EPHA3: variants seen among roughly 807,000 people sequenced by gnomAD.
EPHA3 encodes the protein EPH receptor A3.
In EPHA3, 42 loss-of-function variants were observed where a neutral mutation model predicts 107.1. The ratio of observed to expected loss-of-function variants is 0.39; its 90% CI spans 0.31 to 0.51. EPHA3 has a LOEUF of 0.51. Among genes scored for constraint, EPHA3 ranks in the 20% least tolerant of loss-of-function variants. The pLI, the probability that EPHA3 is intolerant of heterozygous loss-of-function variation, is 0.78. For synonymous variants in EPHA3, 461 were observed against 424.8 expected, an observed-to-expected ratio of 1.09 and a Z score of -1.05; for missense variants, 1,183 against 1,211.2, an observed-to-expected ratio of 0.98 and a Z score of 0.35.
At chr3:89,295,406 C>A (rs1576295237) in intron 3 of EPHA3, among the ~76,000 whole-genome samples, 3 of 151,914 alleles carry the variant, frequency 2.0e-5, no homozygotes, top group Admixed American at 2.0e-4. Context: ...GTGGCAATTT[C>A]TCAAAAGACA....
At chr3:89,215,917 A>G (rs1207097124) in intron 3 of EPHA3, among the ~76,000 whole-genome samples, 1 of 151,860 alleles carries the variant, frequency 6.6e-6, no homozygotes, top group African/African-American at 2.4e-5. Flanking sequence ...GTATACTTCT[A>G]AAGCTCTAAT....
intron 1 of EPHA3, among the ~76,000 whole-genome samples, chr3:89,108,354 A>G (rs1707023328): frequency 6.6e-6 from 1 of 152,194 alleles, no homozygotes; most frequent in Non-Finnish European, 1.5e-5. Context: ...TTATGGTGCA[A>G]GGGCTGTGTT....
chr3:89,294,019 C>G, intron 3 of EPHA3, among the ~76,000 whole-genome samples: 1 of 151,970 alleles, frequency 6.6e-6, no homozygotes, highest in Non-Finnish European at 1.5e-5. Flanking sequence ...CCACTAATCA[C>G]TTAAAGATCT....
chr3:89,129,260 A>C (rs377550152), intron 2 of EPHA3, among the ~76,000 whole-genome samples: 1 of 152,154 alleles, frequency 6.6e-6, no homozygotes, highest in South Asian at 2.1e-4. Flanking sequence ...GTTGCCTCAG[A>C]GATCCCCACT....
intron 3 of EPHA3, among the ~76,000 whole-genome samples, chr3:89,239,215 A>G (rs1296595139): frequency 6.6e-6 from 1 of 152,210 alleles, no homozygotes; most frequent in Non-Finnish European, 1.5e-5. Flanking sequence ...CACTCAAAGA[A>G]GATTGCACTG....
At chr3:89,476,514 A>C (rs1475662289) in intron 16 of EPHA3, among the ~76,000 whole-genome samples, 3 of 139,740 alleles carry the variant, frequency 2.1e-5, no homozygotes, top group Non-Finnish European at 4.8e-5. Context: ...GGAATATATA[A>C]ATATTATATA....
intron 5 of EPHA3, among the ~76,000 whole-genome samples, chr3:89,375,621 T>C (rs532941304): frequency 4.6e-5 from 7 of 151,746 alleles, no homozygotes; most frequent in Non-Finnish European, 1.0e-4. Context: ...TTGAAGAGTA[T>C]AATTTTTTAT....
intron 3 of EPHA3, among the ~76,000 whole-genome samples, chr3:89,282,910 T>TG (rs1705983864): frequency 6.6e-6 from 1 of 152,170 alleles, no homozygotes; most frequent in South Asian, 2.1e-4. Flanking sequence ...TAGGAGCCAC[T>TG]GAAAGGCTTT....
At chr3:89,266,178 A>G (rs1197238664) in intron 3 of EPHA3, among the ~76,000 whole-genome samples, 2 of 152,158 alleles carry the variant, frequency 1.3e-5, no homozygotes, top group Admixed American at 6.6e-5. Context: ...ATTCATAAAA[A>G]TTCTATGAAG....
At chr3:89,123,674 T>A (rs1181224430) in intron 1 of EPHA3, among the ~76,000 whole-genome samples, 1 of 152,162 alleles carries the variant, frequency 6.6e-6, no homozygotes, top group Non-Finnish European at 1.5e-5. Context: ...CCTAGAACCA[T>A]ATCCATCTAT....
chr3:89,242,666 T>A (rs1300729333), intron 3 of EPHA3, among the ~76,000 whole-genome samples: 2 of 152,234 alleles, frequency 1.3e-5, no homozygotes, highest in African/African-American at 4.8e-5. Context: ...CTCGATCTCC[T>A]GACCTTGTGA....
intron 2 of EPHA3, among the ~76,000 whole-genome samples, chr3:89,202,360 A>T (rs1476525159): frequency 1.3e-5 from 2 of 151,322 alleles, no homozygotes; most frequent in East Asian, 3.9e-4. Context: ...AAATAAATAA[A>T]TAAAAAGTAG....
intron 13 of EPHA3, among the ~76,000 whole-genome samples, chr3:89,447,389 C>A: frequency 6.6e-6 from 1 of 152,116 alleles, no homozygotes; most frequent in East Asian, 1.9e-4. Context: ...CTGTTTCTTG[C>A]ATTCTTCATG....
intron 2 of EPHA3, among the ~76,000 whole-genome samples, chr3:89,145,297 A>ACG (rs1704517714): frequency 6.6e-6 from 1 of 151,568 alleles, no homozygotes; most frequent in South Asian, 2.1e-4. Context: ...ACACACACAC[A>ACG]TAATAGTGTA....
In EPHA3 at chr3:89,386,161, TGG is replaced by T. The variant is rs546973675; in HGVS notation, c.1307-9675_1307-9674del. ...TGGAGTAGAAAAGAAAAACTCATTT[TGG>T]TGGGGGAGAAATTCAAGCTGGCTGC... On this transcript the variant is annotated intron_variant, in intron 5 of 16. Transcript: ENST00000336596. Among the ~76,000 whole-genome samples, 836 of 152,176 alleles carry T rather than the reference TGG, an allele frequency of 5.5e-3. 6 individuals carry two copies. Among genetic ancestry groups the T allele is most frequent in the African/African-American group, 0.019 (785 of 41,460 alleles).
chr3:89,141,160 T>G (rs1704424349), intron 2 of EPHA3, among the ~76,000 whole-genome samples: 1 of 151,590 alleles, frequency 6.6e-6, no homozygotes, highest in South Asian at 2.1e-4. Context: ...GTAAGCTATT[T>G]CCAAGGAAAT....
At chr3:89,271,727 A>G (rs1705673698) in intron 3 of EPHA3, among the ~76,000 whole-genome samples, 3 of 152,034 alleles carry the variant, frequency 2.0e-5, no homozygotes, top group African/African-American at 7.2e-5. Flanking sequence ...AGCAGAAAAG[A>G]AGAAGGAAAA....
chr3:89,149,050 T>C (rs901591991), intron 2 of EPHA3, among the ~76,000 whole-genome samples: 1 of 151,968 alleles, frequency 6.6e-6, no homozygotes, highest in Non-Finnish European at 1.5e-5. Context: ...GAGATTATAG[T>C]TCTTCAAAAG....
chr3:89,119,544 T>A (rs1333165263), intron 1 of EPHA3, among the ~76,000 whole-genome samples: 3 of 152,086 alleles, frequency 2.0e-5, no homozygotes, highest in Admixed American at 1.3e-4. Context: ...CTTGAAGAGT[T>A]TGTTCGTGTG....
Sources: allele counts gnomAD v4.1 joint callset (sites outside exome capture counted in the v4.1 genomes callset), GRCh38; gene constraint gnomAD v4.1.1; transcripts MANE v1.5; gene names NCBI Gene and HGNC (gene_info 2026-07-23, HGNC 2026-07-21).